Variants in JAK2 observed in about 807,000 individuals in gnomAD.
JAK2 encodes the protein tyrosine-protein kinase JAK2.
A neutral mutation model predicts 139.3 loss-of-function variants in JAK2; 86 were observed. That is an observed-to-expected ratio of 0.62 (90% CI 0.52 to 0.74). JAK2 has a LOEUF of 0.74. JAK2 is among the 30% of genes least tolerant of loss of function. The probability of loss-of-function intolerance (pLI) is 0.00; values close to 1 mark genes in which losing one functional copy is unlikely to be tolerated. For missense variants in JAK2, 1,421 were observed against 1,360.3 expected (o/e 1.04, Z -0.70); for synonymous variants, 490 against 437.7 (o/e 1.12, Z -1.49).
In JAK2 at chr9:5,050,688, G is replaced by C; in HGVS notation, c.471G>C (p.Trp157Cys). 6.2e-7 allele frequency: 1 copy of C among 1,610,562 alleles called. No individual in the cohort carries two copies. The highest frequency in any genetic ancestry group is 8.5e-7 in the Non-Finnish European group (1 of 1,178,928). Residue 157 changes from tryptophan (W) to cysteine (C), a missense_variant and splice_region_variant, in exon 6 of 25, where the codon TGG (tryptophan) becomes TGC (cysteine). Coordinates refer to ENST00000381652, the MANE Select transcript of JAK2 (RefSeq NM_004972.4). Reference protein sequence around the residue: ...DFVMSYLFAQWRHDFVHGWIK... With the variant: ...DFVMSYLFAQCRHDFVHGWIK... Reference sequence around the variant, plus strand: ...TTCCTTCAAATTTTTGGTTTTAGTGGCGGCATGATTTTGTGCACGGATGGA... The same window carrying C: ...TTCCTTCAAATTTTTGGTTTTAGTGCCGGCATGATTTTGTGCACGGATGGA...
intron 3 of JAK2, among the ~76,000 whole-genome samples, 166 bp from the exon 4 acceptor site, chr9:5,029,617 T>C (rs974386121): frequency 6.6e-6 from 1 of 152,210 alleles, no homozygotes; most frequent in Non-Finnish European, 1.5e-5. Context: ...AAGATTGTGA[T>C]TAATAATTCA....
chr9:5,086,265 G>C (rs1361475950), intron 19 of JAK2, among the ~76,000 whole-genome samples: 3 of 152,106 alleles, frequency 2.0e-5, no homozygotes. Context: ...TCCGCCTCTG[G>C]CCCGCGATCC....
Position 5,029,768 on chromosome 9 carries a change from C to T in JAK2, c.227-15C>T. On this transcript the variant is annotated splice_polypyrimidine_tract_variant and intron_variant, in intron 3 of 24. Coordinates refer to ENST00000381652, the MANE Select transcript of JAK2 (RefSeq NM_004972.4). The stretch of plus-strand genomic sequence containing the variant: ...TGTGTACCTTTAATAATTCCTTTCT[C>T]TGCTTCTTTTCTAGGTATCACACCT... 2 of 1,597,568 alleles carry T rather than the reference C, an allele frequency of 1.3e-6. No homozygotes were observed. Among genetic ancestry groups the T allele is most frequent in the African/African-American group, 1.3e-5 (1 of 74,428 alleles).
chr9:5,125,935 A>T (rs1823961780), intron 23 of JAK2: 1 of 152,730 alleles, frequency 6.5e-6, no homozygotes, highest in Non-Finnish European at 1.5e-5. Flanking sequence ...ACTTTGACAT[A>T]TGAAAGTTTT....
intron 3 of JAK2, among the ~76,000 whole-genome samples, chr9:5,023,705 C>T (rs1454227596): frequency 1.3e-5 from 2 of 152,136 alleles, no homozygotes; most frequent in African/African-American, 4.8e-5. Context: ...TGTTGAATAC[C>T]AGTGTTCCTC....
At chr9:5,093,484 G>A (rs1260213377) in intron 22 of JAK2, among the ~76,000 whole-genome samples, 4 of 152,118 alleles carry the variant, frequency 2.6e-5, no homozygotes, top group African/African-American at 7.2e-5. Flanking sequence ...AGTAGAATCT[G>A]ACCTATTGGT....
At chr9:5,080,120 G>C (rs1232810542) in intron 16 of JAK2, 109 bp from the exon 17 acceptor site, 8 of 889,096 alleles carry the variant, frequency 9.0e-6, no homozygotes, top group Non-Finnish European at 1.4e-5. Flanking sequence ...CCAAAATAAA[G>C]AAAATAGGCC....
intron 3 of JAK2, among the ~76,000 whole-genome samples, chr9:5,027,514 T>A (rs1587843904): frequency 6.6e-6 from 1 of 152,134 alleles, no homozygotes; most frequent in Non-Finnish European, 1.5e-5. Context: ...CTGCTGAAGG[T>A]TGGGTGGCTA....
intron 7 of JAK2, among the ~76,000 whole-genome samples, chr9:5,055,242 T>A (rs1229487629): frequency 6.6e-6 from 1 of 152,108 alleles, no homozygotes; most frequent in Non-Finnish European, 1.5e-5. Context: ...GATTTTATGA[T>A]AATATATACC....
intron 12 of JAK2, 76 bp downstream of exon 12, chr9:5,070,128 T>G: frequency 9.6e-7 from 1 of 1,043,090 alleles, no homozygotes; most frequent in Non-Finnish European, 1.4e-6. Context: ...TACATTCATG[T>G]GACATTGGAA....
rs570596425 is a variant in JAK2 at position 5,128,215 on chromosome 9, T to C, written c.*1424T>C. ...CTGGTATGTTCTACTTTTTTGAAAG[T>C]TGTACTGAAGACTTCTGATTTTGGG... On this transcript the variant is annotated 3_prime_UTR_variant, in exon 25 of 25. Transcript: ENST00000381652. 9 of 231,604 alleles carry C rather than the reference T, an allele frequency of 3.9e-5. No homozygotes were observed. In the South Asian group the frequency reaches 9.1e-4, roughly 23 times the overall value. The allele number at this position is 231,604 out of a possible 1,614,324, so 14.3% of individuals were successfully genotyped here. A position where few individuals can be genotyped will look rare whatever the true frequency, so the allele number is the denominator to read the frequency against.
Position 5,046,006 on chromosome 9 carries a change from A to G in JAK2, c.468+1486A>G, listed in dbSNP as rs28889911. On this transcript the variant is annotated intron_variant, in intron 5 of 24. Coordinates refer to ENST00000381652, the MANE Select transcript of JAK2 (RefSeq NM_004972.4). ...TGCACTATTTTTCAGTCCTACCAGC[A>G]GTGCACAAGTGTTCCAATTTCTCAA... Among the ~76,000 whole-genome samples the G allele has an allele frequency of 1.5e-3, 226 of 152,312 alleles. 1 individual carries two copies. Among genetic ancestry groups the G allele is most frequent in the African/African-American group, 5.1e-3 (214 of 41,566 alleles).
rs76736846 is a variant in JAK2, at chr9:5,110,860, C to T, written c.3060-12144C>T. 2.6e-3 allele frequency: 1,292 copies of T among 488,460 alleles called. 23 individuals carry two copies. Among genetic ancestry groups the T allele is most frequent in the African/African-American group, 0.022 (1,117 of 51,302 alleles). 30.3% of individuals were successfully genotyped at this position (488,460 alleles called of 1,614,324 possible). ...GGAAGGTGGGGGGGACGCTTCATGC[C>T]GCCGCGCCCAGCAGGGTTTCCATGT... On this transcript the variant is annotated intron_variant, in intron 22 of 24. Transcript: ENST00000381652.
chr9:5,114,894 C>T (rs926088040), intron 22 of JAK2: 5 of 198,042 alleles, frequency 2.5e-5, no homozygotes, highest in Admixed American at 6.1e-5. Context: ...GTTGCAATGA[C>T]CCCAGGAAGC....
chr9:5,128,089 T>TAC lies in JAK2; in HGVS notation c.*1298_*1299insAC, dbSNP rs1824119922. ...TAAAATATGGTGGGTTTTGTGTGTG[T>TAC]GTGTGTGTGTGTGTGTGTGTGTGTG... On this transcript the variant is annotated 3_prime_UTR_variant, in exon 25 of 25. Coordinates refer to ENST00000381652, the MANE Select transcript of JAK2 (RefSeq NM_004972.4). The TAC allele has an allele frequency of 2.0e-5, 4 of 198,862 alleles. No individual in the cohort carries two copies. The East Asian group carries it at 3.0e-4, about 15-fold the overall frequency. The allele number at this position is 198,862 out of a possible 1,614,324, so 12.3% of individuals were successfully genotyped here. A position where few individuals can be genotyped will look rare whatever the true frequency, so the allele number is the denominator to read the frequency against.
chr9:5,115,716 G>C (rs1586829179), intron 22 of JAK2, among the ~76,000 whole-genome samples: 2 of 152,198 alleles, frequency 1.3e-5, no homozygotes, highest in South Asian at 4.1e-4. Context: ...ATACACCATG[G>C]AATACTATGC....
intron 23 of JAK2, chr9:5,125,886 G>A (rs1823957929): frequency 1.3e-5 from 2 of 151,752 alleles, no homozygotes. Context: ...TGATGTTTAA[G>A]TATTTTCCTA....
intron 22 of JAK2, chr9:5,112,563 G>A: frequency 1.6e-6 from 1 of 640,496 alleles, no homozygotes; most frequent in Non-Finnish European, 2.7e-6. Context: ...ATAACGCCAG[G>A]GAGCGGCTGC....
At position 5,054,427 on chromosome 9, in the gene JAK2, A is replaced by G. The variant is rs1817624023; in HGVS notation, c.615-136A>G. On this transcript the variant is annotated intron_variant, in intron 6 of 24. Transcript: ENST00000381652. This position sits in a 1 kb window ranked among gnomAD's most constrained non-coding sequence, Gnocchi z 4.9. ...TACTGTATGGATGGGGGTTATGTCAACTTACGCCACTTGGCCACTGTGTTG... is the reference window on the plus strand; with the variant it reads ...TACTGTATGGATGGGGGTTATGTCAGCTTACGCCACTTGGCCACTGTGTTG... 3.1e-6 allele frequency: 2 copies of G among 655,308 alleles called. No homozygotes were observed. Among genetic ancestry groups the G allele is most frequent in the Admixed American group, 2.9e-5 (1 of 34,612 alleles). The allele number at this position is 655,308 out of a possible 1,614,324, so 40.6% of individuals were successfully genotyped here. A position where few individuals can be genotyped will look rare whatever the true frequency, so the allele number is the denominator to read the frequency against.
Sources: allele counts gnomAD v4.1 joint callset (sites outside exome capture counted in the v4.1 genomes callset), GRCh38; gene constraint gnomAD v4.1.1; non-coding constraint Gnocchi (gnomAD v3.1); transcripts MANE v1.5; gene names NCBI Gene and HGNC (gene_info 2026-07-23, HGNC 2026-07-21).